The following CRIPTO variants were observed in gnomAD, a reference collection of about 807,000 sequenced individuals.
The protein encoded by CRIPTO is protein Cripto.
chr3:46,580,000 C>T, the CRIPTO span: 5 of 1,614,250 alleles, frequency 3.1e-6, no homozygotes, highest in Non-Finnish European at 4.2e-6. Context: ...GAAGTGTTCC[C>T]TGTGTAAATG....
At chr3:46,579,638 C>A in the CRIPTO span, 1 of 1,333,876 alleles carries the variant, frequency 7.5e-7, no homozygotes, top group Non-Finnish European at 1.1e-6. Context: ...CAGAGACTTA[C>A]TCTGATACAA....
the CRIPTO span, chr3:46,578,121 C>A: frequency 1.8e-6 from 2 of 1,089,532 alleles, no homozygotes; most frequent in Non-Finnish European, 2.8e-6. Flanking sequence ...AAAGAGCTGC[C>A]AACCGCACTG....
At chr3:46,581,094 G>T in the CRIPTO span, 1 of 1,471,606 alleles carries the variant, frequency 6.8e-7, no homozygotes, top group South Asian at 1.1e-5. Context: ...AACTGCCAGA[G>T]AGGTTTGCTT....
At chr3:46,580,117 G>A in the CRIPTO span, 58 of 1,612,112 alleles carry the variant, frequency 3.6e-5, no homozygotes, top group South Asian at 1.2e-4. Flanking sequence ...TTGCCTTGGG[G>A]GGTGCTTAGT....
chr3:46,579,181 A>G, the CRIPTO span: 1 of 1,614,060 alleles, frequency 6.2e-7, no homozygotes, highest in Non-Finnish European at 8.5e-7. Flanking sequence ...ATCACTCTCA[A>G]TTTTTATGTG....
the CRIPTO span, chr3:46,577,955 T>G: frequency 7.4e-6 from 12 of 1,614,034 alleles, no homozygotes; most frequent in Non-Finnish European, 1.0e-5. Flanking sequence ...CTTTTCCCCC[T>G]AATTGTTAAA....
At chr3:46,581,459 T>G in the CRIPTO span, 5 of 613,688 alleles carry the variant, frequency 8.1e-6, no homozygotes. Context: ...AACTACTTCT[T>G]TTTTCAAAAG....
At chr3:46,576,479 G>GGAA in the CRIPTO span, among the ~76,000 whole-genome samples, 1 of 20,784 alleles carries the variant, frequency 4.8e-5, no homozygotes, top group Non-Finnish European at 7.5e-5. Context: ...AGACTCTGTC[G>GGAA]CAAAAAAAAA....
At chr3:46,582,286 T>C in the CRIPTO span, 1 of 152,230 alleles carries the variant, frequency 6.6e-6, no homozygotes, top group Non-Finnish European at 1.5e-5. Flanking sequence ...ACAAGATTGC[T>C]TAATAAATTG....
the CRIPTO span, chr3:46,577,975 C>T: frequency 1.9e-6 from 3 of 1,614,106 alleles, no homozygotes; most frequent in African/African-American, 4.0e-5. Context: ...AAGCTATGGA[C>T]TGCAGGAAGA....
At chr3:46,576,845 C>T in the CRIPTO span, among the ~76,000 whole-genome samples, 1 of 152,046 alleles carries the variant, frequency 6.6e-6, no homozygotes, top group Non-Finnish European at 1.5e-5. Context: ...CGCGCCTCTC[C>T]ATCTGGGGCG....
the CRIPTO span, chr3:46,581,657 G>A: frequency 3.8e-6 from 2 of 520,824 alleles, no homozygotes; most frequent in Non-Finnish European, 6.7e-6. Context: ...TTACAGGCAT[G>A]TGTCACCATG....
the CRIPTO span, chr3:46,579,224 T>G: frequency 6.2e-7 from 1 of 1,614,154 alleles, no homozygotes; most frequent in Non-Finnish European, 8.5e-7. Flanking sequence ...ATTGATTTTG[T>G]CGTTAAGGGC....
chr3:46,578,039 T>G, the CRIPTO span: 9 of 1,606,966 alleles, frequency 5.6e-6, no homozygotes, highest in Non-Finnish European at 7.7e-6. Flanking sequence ...CTTTTTTTGA[T>G]TGCTAGAGAT....
chr3:46,581,543 T>G, the CRIPTO span: 15 of 594,954 alleles, frequency 2.5e-5, no homozygotes, highest in Admixed American at 9.4e-5. Context: ...GGAGTCTCAC[T>G]CTGTCACCCA....
At chr3:46,578,106 C>G in the CRIPTO span, 1 of 1,338,604 alleles carries the variant, frequency 7.5e-7, no homozygotes, top group Middle Eastern at 1.8e-4. Context: ...CTTGCTCAAG[C>G]CTTAAAAGAG....
At chr3:46,578,725 A>G in the CRIPTO span, among the ~76,000 whole-genome samples, 1 of 152,186 alleles carries the variant, frequency 6.6e-6, no homozygotes, top group East Asian at 1.9e-4. Context: ...AAATAAATAC[A>G]GTAGTTTGTA....
the CRIPTO span, chr3:46,574,640 G>A: frequency 6.6e-6 from 1 of 152,212 alleles, no homozygotes; most frequent in East Asian, 1.9e-4. Flanking sequence ...TACTGTCATT[G>A]TAGTGCAGAC....
the CRIPTO span, chr3:46,581,195 G>T: frequency 6.2e-7 from 1 of 1,614,158 alleles, no homozygotes; most frequent in Non-Finnish European, 8.5e-7. Flanking sequence ...CCGTCTGCAC[G>T]TACTACCACT....
Sources: allele counts gnomAD v4.1 joint callset (sites outside exome capture counted in the v4.1 genomes callset), GRCh38; gene constraint gnomAD v4.1.1; transcripts MANE v1.5; gene names NCBI Gene and HGNC (gene_info 2026-07-23, HGNC 2026-07-21).